The following CTDSPL2 variants were observed in gnomAD, a reference collection of about 807,000 sequenced individuals.
The protein encoded by CTDSPL2 is CTD small phosphatase like 2.
CTDSPL2 carries 5 observed loss-of-function variants against 60.0 expected under a neutral mutation model. The ratio of observed to expected loss-of-function variants is 0.08; its 90% CI spans 0.04 to 0.18. CTDSPL2 has a LOEUF of 0.18. Ranked by LOEUF, CTDSPL2 falls within the 10% of genes least tolerant of loss-of-function variation. The pLI is 1.00. For missense variants in CTDSPL2, 370 were observed against 548.8 expected (o/e 0.67, Z 3.26); for synonymous variants, 186 against 189.3 (o/e 0.98, Z 0.14).
intron 8 of CTDSPL2, among the ~76,000 whole-genome samples, chr15:44,504,177 A>C (rs190963664): frequency 7.9e-5 from 12 of 152,106 alleles, no homozygotes; most frequent in Admixed American, 2.0e-4. Flanking sequence ...GCAAAACCCT[A>C]TCTCCACAAA....
intron 7 of CTDSPL2, among the ~76,000 whole-genome samples, chr15:44,498,460 C>T (rs371978051): frequency 6.6e-5 from 10 of 152,224 alleles, no homozygotes; most frequent in African/African-American, 1.2e-4. Flanking sequence ...GTGTTGCAAG[C>T]GTGTAGTCCC....
At position 44,526,987 on chromosome 15, in the gene CTDSPL2, T is replaced by C. The variant is rs1206819709; in HGVS notation, c.*2813T>C. 6.6e-6 allele frequency: 1 copy of C among 152,278 alleles called. No homozygotes were observed. The highest frequency in any genetic ancestry group is 1.9e-4 in the East Asian group (1 of 5,136). The allele number at this position is 152,278 out of a possible 1,614,324, so 9.4% of individuals were successfully genotyped here. On this transcript the variant is annotated 3_prime_UTR_variant, in exon 13 of 13. Coordinates refer to ENST00000260327, the MANE Select transcript of CTDSPL2 (RefSeq NM_016396.3). ...AAATATTTGTATCATTGTTAGGATG[T>C]TTTAATCAGTTGTTTTTTAATTCCA...
intron 2 of CTDSPL2, among the ~76,000 whole-genome samples, chr15:44,481,634 C>T (rs1353874055): frequency 6.6e-6 from 1 of 152,174 alleles, no homozygotes; most frequent in Non-Finnish European, 1.5e-5. Flanking sequence ...AGTGCAATAG[C>T]ATGATCTCAG....
intron 1 of CTDSPL2, among the ~76,000 whole-genome samples, chr15:44,433,948 C>T (rs144269018): frequency 0.083 from 11,803 of 142,026 alleles, 923 homozygotes; most frequent in East Asian, 0.24. Flanking sequence ...GCAAGACTCT[C>T]GTCTCAAAAA....
At chr15:44,471,434 G>T (rs1250150718) in intron 2 of CTDSPL2, among the ~76,000 whole-genome samples, 4 of 151,880 alleles carry the variant, frequency 2.6e-5, no homozygotes, top group African/African-American at 9.7e-5. Flanking sequence ...ATTATTTTTT[G>T]ATATAAAAAG....
chr15:44,497,787 A>C (rs944135104), intron 7 of CTDSPL2, among the ~76,000 whole-genome samples: 2 of 152,142 alleles, frequency 1.3e-5, no homozygotes, highest in African/African-American at 2.4e-5. Flanking sequence ...ACTTGAAGCC[A>C]GGAGTTTGAG....
At chr15:44,488,935 T>A (rs1485939007) in intron 4 of CTDSPL2, among the ~76,000 whole-genome samples, 1 of 152,180 alleles carries the variant, frequency 6.6e-6, no homozygotes, top group East Asian at 1.9e-4. Flanking sequence ...GAAATAGATG[T>A]CTGGGGAAGA....
chr15:44,478,760 T>A (rs2140766255), intron 2 of CTDSPL2, among the ~76,000 whole-genome samples: 1 of 152,164 alleles, frequency 6.6e-6, no homozygotes, highest in East Asian at 1.9e-4. Context: ...GGCAGGCAGA[T>A]CACTTCAGGT....
chr15:44,454,176 G>A (rs2080387913), intron 1 of CTDSPL2, among the ~76,000 whole-genome samples: 2 of 152,136 alleles, frequency 1.3e-5, no homozygotes, highest in Non-Finnish European at 2.9e-5. Flanking sequence ...TTCTCTGATG[G>A]CCAGTGATGA....
At chr15:44,511,884 A>G (rs534508563) in intron 8 of CTDSPL2, among the ~76,000 whole-genome samples, 4 of 149,944 alleles carry the variant, frequency 2.7e-5, no homozygotes, top group African/African-American at 5.0e-5. Context: ...AAAAAAAAAA[A>G]AAAAAAAAGA....
chr15:44,447,264 T>C (rs1264036181), intron 1 of CTDSPL2, among the ~76,000 whole-genome samples: 1 of 152,192 alleles, frequency 6.6e-6, no homozygotes, highest in African/African-American at 2.4e-5. Context: ...TTCAGGTAAA[T>C]ATAGTATTTT....
chr15:44,478,452 CAAAAAAAAAAA>C (rs61080056), intron 2 of CTDSPL2, among the ~76,000 whole-genome samples: 62 of 38,010 alleles, frequency 1.6e-3, no homozygotes, highest in Non-Finnish European at 2.3e-3. Flanking sequence ...GACTCTGTCT[CAAAAAAAAAAA>C]AAAAAAAAAA....
intron 2 of CTDSPL2, among the ~76,000 whole-genome samples, chr15:44,462,700 CTTTTTTT>C (rs554319789): frequency 4.8e-5 from 4 of 83,740 alleles, no homozygotes; most frequent in Admixed American, 1.3e-4. Context: ...ACACTCAGGA[CTTTTTTT>C]TTTTTTTTTT....
intron 11 of CTDSPL2, chr15:44,519,606 T>C (rs986123467): frequency 5.0e-6 from 1 of 199,796 alleles, no homozygotes; most frequent in Non-Finnish European, 1.0e-5. Context: ...ATTTGAGTAC[T>C]ATAGTTAGTT....
chr15:44,460,636 A>C (rs2080547567), intron 2 of CTDSPL2, among the ~76,000 whole-genome samples: 1 of 152,172 alleles, frequency 6.6e-6, no homozygotes, highest in South Asian at 2.1e-4. Flanking sequence ...AATTACTGTA[A>C]GTCACTGGGC....
rs990767588 is a variant in CTDSPL2 at position 44,524,204 on chromosome 15, G to GGA, written c.*35_*36dup. On this transcript the variant is annotated 3_prime_UTR_variant, in exon 13 of 13. Coordinates refer to ENST00000260327, the MANE Select transcript of CTDSPL2 (RefSeq NM_016396.3). ...AAAGACTTGTCAAATCACTGAAGGG[G>GGA]GAGAGAATGCAGGACCCTTTTGGAC... 5 of 1,576,764 alleles carry GGA rather than the reference G, an allele frequency of 3.2e-6. No individual in the cohort carries two copies. The African/African-American group carries it at 5.4e-5, about 17-fold the overall frequency.
chr15:44,500,697 T>G (rs1226128075), intron 8 of CTDSPL2, among the ~76,000 whole-genome samples: 8 of 152,198 alleles, frequency 5.3e-5, no homozygotes, highest in Non-Finnish European at 1.2e-4. Flanking sequence ...AGAATGTGGT[T>G]ATAGTTTTCT....
At chr15:44,443,591 A>G (rs2080137966) in intron 1 of CTDSPL2, among the ~76,000 whole-genome samples, 1 of 152,008 alleles carries the variant, frequency 6.6e-6, no homozygotes, top group South Asian at 2.1e-4. Context: ...TTTTTTTGAT[A>G]CTAGTCATCT....
At chr15:44,491,075 A>T in intron 5 of CTDSPL2, 76 bp downstream of exon 5, 1 of 1,139,138 alleles carries the variant, frequency 8.8e-7, no homozygotes, top group Non-Finnish European at 1.3e-6. Context: ...TTTTTTCTTA[A>T]ATGAGCACAT....
Sources: gnomAD v4.1 joint callset for allele counts (sites outside exome capture counted in the v4.1 genomes callset) on GRCh38, gnomAD v4.1.1 for gene constraint, MANE v1.5 for transcripts, NCBI Gene and HGNC (gene_info 2026-07-23, HGNC 2026-07-21) for gene names.